RPS6KA2: variants seen among roughly 807,000 people sequenced by gnomAD.
RPS6KA2 encodes ribosomal protein S6 kinase alpha-2.
Under a neutral mutation model 91.8 loss-of-function variants are expected in RPS6KA2, and 42 were observed. That is an observed-to-expected ratio of 0.46 (90% CI 0.36 to 0.59). The LOEUF (loss-of-function observed/expected upper bound fraction) is 0.59. Ranked by LOEUF, RPS6KA2 falls within the 20% of genes least tolerant of loss-of-function variation. The pLI, the probability that RPS6KA2 is intolerant of heterozygous loss-of-function variation, is 0.00. For missense variants in RPS6KA2, 798 were observed against 978.5 expected (o/e 0.82, Z 2.46); for synonymous variants, 414 against 393.6 (o/e 1.05, Z -0.61).
At chr6:166,440,613 A>T (rs1373791844) in intron 14 of RPS6KA2, among the ~76,000 whole-genome samples, 2 of 152,254 alleles carry the variant, frequency 1.3e-5, no homozygotes, top group Non-Finnish European at 2.9e-5. Context: ...TCTTTGGCCA[A>T]CAACTGTTTG....
Position 166,701,546 on chromosome 6 carries a change from T to G in RPS6KA2, c.123+156654A>C, listed in dbSNP as rs892333992. On this transcript the variant is annotated intron_variant, in intron 2 of 21. Coordinates refer to the RPS6KA2 transcript ENST00000503859. Reference sequence around the variant, plus strand: ...GCTCCAGCAAAGCGAGAAAGCTGCTTGATGTGCTGGCCCTGCTTGCTGATG... The same window carrying G: ...GCTCCAGCAAAGCGAGAAAGCTGCTGGATGTGCTGGCCCTGCTTGCTGATG... The G allele has an allele frequency of 3.5e-6, 5 of 1,447,834 alleles. No individual in the cohort carries two copies. The African/African-American group carries it at 5.6e-5, about 16-fold the overall frequency. The allele number at this position is 1,447,834 out of a possible 1,614,324, so 89.7% of individuals were successfully genotyped here.
intron 2 of RPS6KA2, among the ~76,000 whole-genome samples, chr6:166,537,552 C>G (rs145922280): frequency 1.3e-5 from 2 of 151,960 alleles, no homozygotes; most frequent in Non-Finnish European, 2.9e-5. Context: ...TACAAACAAT[C>G]CAGTTCATGC....
intron 2 of RPS6KA2, among the ~76,000 whole-genome samples, chr6:166,722,264 G>A (rs1427391107): frequency 3.9e-5 from 6 of 152,158 alleles, no homozygotes; most frequent in Admixed American, 3.9e-4. Context: ...GCTGGAACGT[G>A]AGCTTGGAGA....
Sources: gnomAD v4.1 joint callset for allele counts (sites outside exome capture counted in the v4.1 genomes callset) on GRCh38, gnomAD v4.1.1 for gene constraint, MANE v1.5 for transcripts, NCBI Gene and HGNC (gene_info 2026-07-23, HGNC 2026-07-21) for gene names.